The following PGR variants were observed in gnomAD, a reference collection of about 807,000 sequenced individuals.
The protein encoded by PGR is progesterone receptor.
A neutral mutation model predicts 76.1 loss-of-function variants in PGR; 25 were observed. The ratio of observed to expected loss-of-function variants is 0.33; its 90% CI spans 0.24 to 0.46. The LOEUF is 0.46. PGR is among the 20% of genes least tolerant of loss of function. The pLI is 1.00. For missense variants in PGR, 1,172 were observed against 1,225.3 expected (o/e 0.96, Z 0.65); for synonymous variants, 579 against 535.0 (o/e 1.08, Z -1.14).
At chr11:101,085,243 C>T (rs1200197456) in intron 3 of PGR, among the ~76,000 whole-genome samples, 1 of 152,070 alleles carries the variant, frequency 6.6e-6, no homozygotes, top group African/African-American at 2.4e-5. Context: ...GTCATACTGT[C>T]AGGTCACAGT....
chr11:101,125,521 A>G (rs1862810569), intron 2 of PGR, among the ~76,000 whole-genome samples: 1 of 152,196 alleles, frequency 6.6e-6, no homozygotes. Context: ...TCATGTAGTC[A>G]AAAGACAGTA....
chr11:101,101,119 A>G (rs192102373), intron 2 of PGR, among the ~76,000 whole-genome samples: 275 of 152,278 alleles, frequency 1.8e-3, no homozygotes, highest in African/African-American at 6.3e-3. Context: ...CTTTGCTGTG[A>G]CAGATGATTT....
chr11:101,042,790 G>T (rs1859736876), intron 6 of PGR, among the ~76,000 whole-genome samples: 1 of 152,132 alleles, frequency 6.6e-6, no homozygotes, highest in Admixed American at 6.6e-5. Context: ...TTGTTTCCCA[G>T]TCCACGTAGA....
chr11:101,123,961 C>A (rs2135507100), intron 2 of PGR, among the ~76,000 whole-genome samples: 1 of 152,304 alleles, frequency 6.6e-6, no homozygotes, highest in East Asian at 1.9e-4. Flanking sequence ...CTCATTTAAT[C>A]TTTATAGCAA....
At position 101,122,152 on chromosome 11, in the gene PGR, CA is replaced by C. The variant is rs56163757; in HGVS notation, c.1789+3854del. Among the ~76,000 whole-genome samples, 548 of 102,352 alleles carry C rather than the reference CA, an allele frequency of 5.4e-3. 3 individuals carry two copies. The highest frequency in any genetic ancestry group is 0.018 in the African/African-American group (470 of 25,428). 67.1% of individuals were successfully genotyped at this position (102,352 alleles called of 152,430 possible). On this transcript the variant is annotated intron_variant, in intron 2 of 7. Transcript: ENST00000325455. ...CATGGGCAACAGCGAGACTCCGTCT[CA>C]AAAAAAAAAAAAAAAAAGTGAGCAT... is the stretch of plus-strand genomic sequence containing the variant.
intron 3 of PGR, among the ~76,000 whole-genome samples, chr11:101,068,331 T>A (rs1229242413): frequency 6.6e-6 from 1 of 152,114 alleles, no homozygotes; most frequent in East Asian, 1.9e-4. Context: ...GAAGGGCCTC[T>A]TCAAGGAGAA....
At chr11:101,091,529 T>G (rs1359914657) in intron 3 of PGR, among the ~76,000 whole-genome samples, 1 of 152,178 alleles carries the variant, frequency 6.6e-6, no homozygotes, top group Non-Finnish European at 1.5e-5. Context: ...ATAGGCAATA[T>G]AGATGAATTG....
chr11:101,039,834 C>T (rs1859639279), intron 7 of PGR, among the ~76,000 whole-genome samples: 1 of 152,004 alleles, frequency 6.6e-6, no homozygotes, highest in African/African-American at 2.4e-5. Flanking sequence ...TCTTCCCATC[C>T]CTATTCCAGC....
At chr11:101,053,923 ACCT>A (rs1565334312) in intron 4 of PGR, among the ~76,000 whole-genome samples, 1 of 151,926 alleles carries the variant, frequency 6.6e-6, no homozygotes, top group Non-Finnish European at 1.5e-5. Context: ...AGCTGGGTAA[ACCT>A]CCTCCTTCTT....
intron 6 of PGR, among the ~76,000 whole-genome samples, chr11:101,042,819 C>T (rs1179999883): frequency 6.6e-6 from 1 of 152,122 alleles, no homozygotes; most frequent in East Asian, 1.9e-4. Context: ...TTACACTATA[C>T]TAGAATGTAT....
At position 101,107,125 on chromosome 11, in the gene PGR, C is replaced by T. The variant is rs147723777; in HGVS notation, c.1790-15249G>A. On this transcript the variant is annotated intron_variant, in intron 2 of 7. Coordinates refer to ENST00000325455, the MANE Select transcript of PGR (RefSeq NM_000926.4). ...ATACCTAATGTAGGTGACGGGTTGA[C>T]GGGTGCAGCAAACCACCATGGCACG... 4.5e-3 allele frequency among the ~76,000 whole-genome samples: 684 copies of T among 152,086 alleles called. 8 individuals are homozygous for T. The highest frequency in any genetic ancestry group is 0.015 in the African/African-American group (628 of 41,468).
chr11:101,057,410 T>C (rs1164957432), intron 4 of PGR, among the ~76,000 whole-genome samples: 2 of 152,190 alleles, frequency 1.3e-5, no homozygotes, highest in Non-Finnish European at 2.9e-5. Context: ...AGATTAACAC[T>C]GCAAATTCAG....
intron 3 of PGR, among the ~76,000 whole-genome samples, chr11:101,086,539 G>T (rs1183940906): frequency 6.6e-6 from 1 of 152,120 alleles, no homozygotes; most frequent in Non-Finnish European, 1.5e-5. Context: ...AAAAGTTAAG[G>T]ATGCTCACTC....
At chr11:101,039,505 G>A (rs553375475) in intron 7 of PGR, among the ~76,000 whole-genome samples, 1 of 151,882 alleles carries the variant, frequency 6.6e-6, no homozygotes, top group South Asian at 2.1e-4. Context: ...AGAAATGAAA[G>A]TTATTCACAA....
At chr11:101,118,307 T>C (rs1019974802) in intron 2 of PGR, among the ~76,000 whole-genome samples, 1 of 152,236 alleles carries the variant, frequency 6.6e-6, no homozygotes, top group Non-Finnish European at 1.5e-5. Flanking sequence ...TACCTGAATT[T>C]AGTAAACACT....
rs182945476 is a variant in PGR at position 101,031,920 on chromosome 11, C to A, written c.*7196G>T. 2.3e-3 allele frequency: 543 copies of A among 231,210 alleles called. 3 individuals carry two copies. The highest frequency in any genetic ancestry group is 0.011 in the African/African-American group (505 of 45,346). 14.3% of individuals were successfully genotyped at this position (231,210 alleles called of 1,614,324 possible). ...AGTTCCTCTTTCTCATTTTCTGAAACTTGAACTGCTCTAGTCTTACCCGTG... is the reference window on the plus strand; with the variant it reads ...AGTTCCTCTTTCTCATTTTCTGAAAATTGAACTGCTCTAGTCTTACCCGTG... On this transcript the variant is annotated 3_prime_UTR_variant, in exon 8 of 8. Transcript: ENST00000325455.
rs769453610 is a variant in PGR, at chr11:101,128,043, C to T, written c.1028G>A (p.Arg343Gln). The T allele has an allele frequency of 1.9e-6, 3 of 1,605,086 alleles. No homozygotes were observed. Among genetic ancestry groups the T allele is most frequent in the East Asian group, 2.2e-5 (1 of 44,782 alleles). The change falls in exon 1 of 8, where the codon CGG becomes CAG. Residue 343 changes from arginine to glutamine, a missense_variant. Physicochemically the swap from Arg to Gln is conservative, Grantham distance 43 (BLOSUM62 1). Transcript: ENST00000325455. ...AGAASAFAPPRSSPCASSTPV... is the reference protein window; with the variant it reads ...AGAASAFAPPQSSPCASSTPV... The stretch of plus-strand genomic sequence containing the variant: ...GGTGGACGAGGCACAGGGTGAACTC[C>T]GCGGCGGGGCAAAGGCGCTGGCAGC...
chr11:101,120,973 A>C (rs1384453680), intron 2 of PGR, among the ~76,000 whole-genome samples: 7 of 152,208 alleles, frequency 4.6e-5, no homozygotes, highest in Non-Finnish European at 1.0e-4. Flanking sequence ...TAAATAACCA[A>C]ATATGAACAG....
chr11:101,061,298 T>C (rs1196803213), intron 4 of PGR, among the ~76,000 whole-genome samples: 1 of 152,186 alleles, frequency 6.6e-6, no homozygotes, highest in Admixed American at 6.5e-5. Flanking sequence ...CCAGTAAGAA[T>C]CTGGGCATTT....
Sources: allele counts gnomAD v4.1 joint callset (sites outside exome capture counted in the v4.1 genomes callset), GRCh38; gene constraint gnomAD v4.1.1; transcripts MANE v1.5; gene names NCBI Gene and HGNC (gene_info 2026-07-23, HGNC 2026-07-21).